The following BCL9L variants were observed in gnomAD, a reference collection of about 807,000 sequenced individuals.
BCL9L encodes BCL9 like, also known as B-cell CLL/lymphoma 9-like protein.
BCL9L carries 19 observed loss-of-function variants against 99.4 expected under a neutral mutation model. The observed-to-expected ratio is 0.19, with a 90% CI of 0.13 to 0.28. The LOEUF (loss-of-function observed/expected upper bound fraction) is 0.28. Ranked by LOEUF, BCL9L falls within the 10% of genes least tolerant of loss-of-function variation. The pLI, the probability that BCL9L is intolerant of heterozygous loss-of-function variation, is 1.00. For missense variants in BCL9L, 2,023 were observed against 2,101.6 expected, an observed-to-expected ratio of 0.96 and a Z score of 0.73; for synonymous variants, 900 against 854.8, an observed-to-expected ratio of 1.05 and a Z score of -0.92.
At position 118,918,279 on chromosome 11, in the gene BCL9L, GTGTGTC is replaced by G. The variant is rs1047159674; in HGVS notation, c.-77+541_-77+546del. 7.9e-5 allele frequency among the ~76,000 whole-genome samples: 12 copies of G among 151,426 alleles called. No individual in the cohort carries two copies. The East Asian group carries it at 1.5e-3, about 20-fold the overall frequency. On this transcript the variant is annotated intron_variant, in intron 2 of 9. Coordinates refer to ENST00000683865, the MANE Select transcript of BCL9L (RefSeq NM_001378213.1). ...GGGAAGAGGCTGTGTGTGTGTGTGT[GTGTGTC>G]TGTGTCTGTGTGTCTGTGTGTGTAC...
Position 118,900,039 on chromosome 11 carries a change from G to C in BCL9L, c.3284C>G (p.Ala1095Gly). 1 of 1,614,086 alleles carries C rather than the reference G, an allele frequency of 6.2e-7. No homozygotes were observed. Among genetic ancestry groups the C allele is most frequent in the Middle Eastern group, 1.6e-4 (1 of 6,062 alleles). The change falls in exon 9 of 10, where the codon GCC (alanine) becomes GGC (glycine). Residue 1095 changes from alanine to glycine, a missense_variant. By Grantham distance (60) the Ala-to-Gly change is moderately conservative (BLOSUM62 0). Transcript: ENST00000683865. The surrounding 1 kb of genome is among the most constrained non-coding windows in gnomAD (Gnocchi z 5.3). ...GTAGAGCGGGGTGGAGCTGGGCATGGCGTACTTGGACATCTGGGTCATCAT... is the reference window on the plus strand; with the variant it reads ...GTAGAGCGGGGTGGAGCTGGGCATGCCGTACTTGGACATCTGGGTCATCAT... Reference protein sequence around the residue: ...SLMMTQMSKYAMPSSTPLYHN... With the variant: ...SLMMTQMSKYGMPSSTPLYHN...
At chr11:118,908,124 G>T in intron 4 of BCL9L, 146 bp downstream of exon 4, 3 of 1,165,922 alleles carry the variant, frequency 2.6e-6, no homozygotes, top group Non-Finnish European at 3.5e-6. Context: ...TGGTTGGTGG[G>T]TGTTGAAAGG....
At chr11:118,906,006 C>T (rs1408032451) in intron 5 of BCL9L, among the ~76,000 whole-genome samples, 1 of 151,900 alleles carries the variant, frequency 6.6e-6, no homozygotes, top group Non-Finnish European at 1.5e-5. Flanking sequence ...ACCAGGAGTT[C>T]AAGATCAGCC....
At chr11:118,909,849 C>A in intron 3 of BCL9L, 65 bp downstream of exon 3, 1 of 1,612,200 alleles carries the variant, frequency 6.2e-7, no homozygotes. Flanking sequence ...GGCCCCATCA[C>A]CACTGGGCCC....
At chr11:118,923,025 C>G (rs1267156232) in intron 1 of BCL9L, among the ~76,000 whole-genome samples, 3 of 152,098 alleles carry the variant, frequency 2.0e-5, no homozygotes, top group Non-Finnish European at 4.4e-5. Context: ...TCCTATTGGA[C>G]TCCCTGGAGG....
Position 118,902,321 on chromosome 11 carries a change from T to G in BCL9L, c.1422A>C (p.Ser474=). 6.4e-7 allele frequency: 1 copy of G among 1,554,176 alleles called. No individual in the cohort carries two copies. Among genetic ancestry groups the G allele is most frequent in the Middle Eastern group, 1.7e-4 (1 of 5,752 alleles). Reference sequence around the variant, plus strand: ...GGGGGCCCCCTAGGCTCTGTGTCTGTGAAATCATGGACTGCAAGGGTTCCT... The same window carrying G: ...GGGGGCCCCCTAGGCTCTGTGTCTGGGAAATCATGGACTGCAAGGGTTCCT... The part of the protein sequence containing the change: ...KYEEPLQSMI[S]QTQSLGGPPL... The change falls in exon 8 of 10, where the codon TCA becomes TCC. Residue 474 remains serine (S), a synonymous_variant. Coordinates refer to ENST00000683865, the MANE Select transcript of BCL9L (RefSeq NM_001378213.1). This position sits in a 1 kb window ranked among gnomAD's most constrained non-coding sequence, Gnocchi z 7.8.
At position 118,900,124 on chromosome 11, in the gene BCL9L, G is replaced by A. The variant is rs1409264849; in HGVS notation, c.3199C>T (p.Pro1067Ser). The change falls in exon 9 of 10, where the codon CCC becomes TCC. Residue 1067 changes from proline (P) to serine (S), a missense_variant. By Grantham distance (74) the Pro-to-Ser change is moderately conservative (BLOSUM62 -1). This residue lies in a region of BCL9L where 902 missense variants were observed against 888.2 expected (regional missense o/e 1.02). Transcript: ENST00000683865. This position sits in a 1 kb window ranked among gnomAD's most constrained non-coding sequence, Gnocchi z 5.3. The part of the protein sequence containing the change: ...PANPPSGLMN[P>S]SLPFTSSPDP... ...GGGGAGGAAGTGAATGGTAGGCTGG[G>A]GTTCATGAGGCCGCTGGGAGGGTTG... is the stretch of plus-strand genomic sequence containing the variant. The A allele has an allele frequency of 6.2e-7, 1 of 1,613,612 alleles. No individual in the cohort carries two copies. Among genetic ancestry groups the A allele is most frequent in the Non-Finnish European group, 8.5e-7 (1 of 1,179,668 alleles).
chr11:118,910,724 C>A, intron 2 of BCL9L: 1 of 155,802 alleles, frequency 6.4e-6, no homozygotes, highest in Non-Finnish European at 1.4e-5. Flanking sequence ...CGTGCTTCTC[C>A]AGGCCCCGCG....
rs1941247284 is a variant in BCL9L at position 118,925,144 on chromosome 11, CTG to C, written c.-131+92_-131+93del. ...TGCCAGAGAGCAAGAGACAATCAGACTGTGTTTCCCCTCCCCGATTCAAACTG... is the reference window on the plus strand; with the variant it reads ...TGCCAGAGAGCAAGAGACAATCAGACTGTTTCCCCTCCCCGATTCAAACTG... On this transcript the variant is annotated intron_variant, in intron 1 of 9. Coordinates refer to ENST00000683865, the MANE Select transcript of BCL9L (RefSeq NM_001378213.1). The surrounding 1 kb of genome is among the most constrained non-coding windows in gnomAD (Gnocchi z 6.4). The C allele has an allele frequency of 2.0e-5, 3 of 152,592 alleles. No homozygotes were observed. The highest frequency in any genetic ancestry group is 1.9e-4 in the East Asian group (1 of 5,168). The allele number at this position is 152,592 out of a possible 1,614,324, so 9.5% of individuals were successfully genotyped here.
chr11:118,911,655 G>A (rs745803530), intron 2 of BCL9L, among the ~76,000 whole-genome samples: 12 of 152,244 alleles, frequency 7.9e-5, no homozygotes, highest in Non-Finnish European at 1.5e-4. Context: ...CCATTTCAAC[G>A]AGGAAACTGA....
chr11:118,924,384 G>C (rs184505055), intron 1 of BCL9L, among the ~76,000 whole-genome samples: 77 of 151,734 alleles, frequency 5.1e-4, no homozygotes, highest in Middle Eastern at 3.4e-3. Flanking sequence ...AGGGAGAGAG[G>C]GGGTGTCAGA....
chr11:118,918,186 G>A (rs886441192), intron 2 of BCL9L, among the ~76,000 whole-genome samples: 1 of 152,194 alleles, frequency 6.6e-6, no homozygotes, highest in Admixed American at 6.5e-5. Flanking sequence ...AGTCGAACCG[G>A]GAGCCCTCAG....
chr11:118,902,465 C>A lies in BCL9L; in HGVS notation c.1278G>T (p.Glu426Asp), dbSNP rs1434326426. 6.2e-7 allele frequency: 1 copy of A among 1,607,920 alleles called. No homozygotes were observed. Among genetic ancestry groups the A allele is most frequent in the Non-Finnish European group, 8.5e-7 (1 of 1,178,024 alleles). The change falls in exon 8 of 10, where the codon GAG becomes GAT. Residue 426 changes from glutamate (E) to aspartate (D), a missense_variant. By Grantham distance (45) the Glu-to-Asp change is conservative. Transcript: ENST00000683865. This position sits in a 1 kb window ranked among gnomAD's most constrained non-coding sequence, Gnocchi z 7.8. ...DIERLLLRSG[E>D]TEPFLKGPPG... ...GGGGCCCCTTGAGGAAGGGCTCAGT[C>A]TCTCCGCTGCGGAGCAGCAGTCGCT...
intron 2 of BCL9L, 64 bp from the exon 3 acceptor site, chr11:118,910,079 G>C (rs539287486): frequency 8.9e-5 from 103 of 1,162,236 alleles, no homozygotes; most frequent in Non-Finnish European, 1.2e-4. Flanking sequence ...AGGGGGAGGG[G>C]AGAAGGGAGG....
At chr11:118,917,491 A>G (rs970050464) in intron 2 of BCL9L, among the ~76,000 whole-genome samples, 6 of 152,188 alleles carry the variant, frequency 3.9e-5, no homozygotes, top group Non-Finnish European at 8.8e-5. Context: ...TAATTTTAGA[A>G]GAAGCAGGAT....
intron 5 of BCL9L, among the ~76,000 whole-genome samples, chr11:118,904,956 G>A (rs1415226416): frequency 6.6e-6 from 1 of 152,202 alleles, no homozygotes; most frequent in African/African-American, 2.4e-5. Context: ...TACGAGCTAT[G>A]GGGAGACAGG....
Position 118,903,159 on chromosome 11 carries a change from G to A in BCL9L, c.749+77C>T. 6.4e-7 allele frequency: 1 copy of A among 1,554,710 alleles called. No individual in the cohort carries two copies. The highest frequency in any genetic ancestry group is 8.7e-7 in the Non-Finnish European group (1 of 1,149,010). ...ACCCACCCCACCCTGCCCCTGCACG[G>A]GGCTCCCTCGGAACCCCAGGCTGAG... On this transcript the variant is annotated intron_variant, in intron 6 of 9. Coordinates refer to ENST00000683865, the MANE Select transcript of BCL9L (RefSeq NM_001378213.1). The surrounding 1 kb of genome is among the most constrained non-coding windows in gnomAD (Gnocchi z 5.6).
Position 118,903,340 on chromosome 11 carries a change from A to C in BCL9L, c.645T>G (p.Pro215=), listed in dbSNP as rs1194626303. ...CCCCAGGGGCATCAGGCCGAAGGCC[A>C]GGAGGAGGGCCGTGCGGGGCGCCTG... ...SVPGAPHGPP[P]GLRPDAPGGG... is the part of the protein sequence containing the mutation. The change falls in exon 6 of 10, where the codon CCT becomes CCG. Residue 215 remains proline, a synonymous_variant. Transcript: ENST00000683865. The surrounding 1 kb of genome is among the most constrained non-coding windows in gnomAD (Gnocchi z 5.6). The C allele has an allele frequency of 1.3e-6, 2 of 1,595,574 alleles. No individual in the cohort carries two copies. The highest frequency in any genetic ancestry group is 3.5e-5 in the Admixed American group (2 of 57,104).
chr11:118,912,948 G>A (rs1466474670), intron 2 of BCL9L, among the ~76,000 whole-genome samples: 2 of 152,196 alleles, frequency 1.3e-5, no homozygotes, highest in Non-Finnish European at 1.5e-5. Flanking sequence ...TCTCCTGGGT[G>A]TCAGGACCCC....
Sources: allele counts gnomAD v4.1 joint callset (sites outside exome capture counted in the v4.1 genomes callset), GRCh38; gene constraint gnomAD v4.1.1; regional missense constraint gnomAD v4.1.1; non-coding constraint Gnocchi (gnomAD v3.1); transcripts MANE v1.5; gene names NCBI Gene and HGNC (gene_info 2026-07-23, HGNC 2026-07-21).